Variants in ROBO2 observed in about 807,000 individuals in gnomAD.
ROBO2 encodes the protein roundabout homolog 2.
ROBO2 carries 53 observed loss-of-function variants against 160.8 expected under a neutral mutation model. That is an observed-to-expected ratio of 0.33 (90% CI 0.26 to 0.41). ROBO2 has a LOEUF of 0.41. Ranked by LOEUF, ROBO2 falls within the 10% of genes least tolerant of loss-of-function variation. ROBO2 has a pLI of 1.00. For synonymous variants in ROBO2, 664 were observed against 611.7 expected (o/e 1.09, Z -1.26); for missense variants, 1,577 against 1,722.4 (o/e 0.92, Z 1.49).
In ROBO2 at chr3:76,754,604, C is replaced by A. The variant is rs531415252; in HGVS notation, c.110-343410C>A. On this transcript the variant is annotated intron_variant, in intron 2 of 26. Transcript: ENST00000487694. ...GGTAATACTGTTTCTTTTATTATTT[C>A]CAATTAAGAAACATACTGCTAGCCA... Among the ~76,000 whole-genome samples, 3 of 151,956 alleles carry A rather than the reference C, an allele frequency of 2.0e-5. No homozygotes were observed. The South Asian group carries it at 6.2e-4, about 31-fold the overall frequency.
chr3:76,024,059 G>GTT (rs1334850167), intron 2 of ROBO2, among the ~76,000 whole-genome samples: 1 of 151,166 alleles, frequency 6.6e-6, no homozygotes, highest in African/African-American at 2.4e-5. Flanking sequence ...CATCTCATTA[G>GTT]TTATATATAT....
chr3:77,051,689 C>G (rs1355712102), intron 1 of ROBO2, among the ~76,000 whole-genome samples: 1 of 152,188 alleles, frequency 6.6e-6, no homozygotes, highest in Non-Finnish European at 1.5e-5. Flanking sequence ...CTGTCTGTAT[C>G]AGGATTCAAT....
intron 2 of ROBO2, among the ~76,000 whole-genome samples, chr3:76,606,532 G>A (rs2087670937): frequency 6.6e-6 from 1 of 152,144 alleles, no homozygotes; most frequent in Non-Finnish European, 1.5e-5. Context: ...AGTCTCTAGA[G>A]AACAGGAGAG....
intron 5 of ROBO2, among the ~76,000 whole-genome samples, chr3:77,500,541 C>T (rs2087441100): frequency 6.6e-6 from 1 of 152,034 alleles, no homozygotes; most frequent in African/African-American, 2.4e-5. Context: ...ACATAGTATA[C>T]AGCAATAGAG....
chr3:76,074,686 TATAAA>T (rs1261799312), intron 2 of ROBO2, among the ~76,000 whole-genome samples: 19 of 152,154 alleles, frequency 1.2e-4, no homozygotes, highest in African/African-American at 4.1e-4. Context: ...GAGGAATTAA[TATAAA>T]GTAAAATATA....
At chr3:76,531,031 AT>A (rs1247928842) in intron 2 of ROBO2, among the ~76,000 whole-genome samples, 1 of 152,206 alleles carries the variant, frequency 6.6e-6, no homozygotes, top group East Asian at 1.9e-4. Context: ...GTGCTGATGC[AT>A]AAAGTTTTGC....
rs888796275 is a variant in ROBO2, at chr3:77,580,014, T to C, written c.2396T>C (p.Val799Ala). The C allele has an allele frequency of 1.2e-5, 20 of 1,613,682 alleles. No homozygotes were observed. Among genetic ancestry groups the C allele is most frequent in the Non-Finnish European group, 1.5e-5 (18 of 1,179,750 alleles). ...ACTGTGGATGCAGCCATTCGGTCCG[T>C]AATAATTGGTGGATTATTCCCAGGT... The change falls in exon 16 of 26, where the codon GTA becomes GCA. Residue 799 changes from valine to alanine, a missense_variant. By Grantham distance (64) the Val-to-Ala change is moderately conservative. Transcript: ENST00000461745.
intron 2 of ROBO2, among the ~76,000 whole-genome samples, chr3:76,867,396 G>A (rs1005468906): frequency 3.3e-5 from 5 of 152,136 alleles, no homozygotes; most frequent in East Asian, 1.9e-4. Context: ...AAATGTTTAT[G>A]TATGTTATAG....
At chr3:77,085,858 A>G (rs992335715) in intron 1 of ROBO2, among the ~76,000 whole-genome samples, 1 of 152,110 alleles carries the variant, frequency 6.6e-6, no homozygotes, top group Non-Finnish European at 1.5e-5. Flanking sequence ...TGTTTTGACC[A>G]TCTCTTGAAA....
intron 2 of ROBO2, among the ~76,000 whole-genome samples, chr3:75,961,828 A>G (rs1948924343): frequency 6.6e-6 from 1 of 151,652 alleles, no homozygotes; most frequent in Non-Finnish European, 1.5e-5. Context: ...TTTAAGGTAT[A>G]TTTCTGTGTG....
intron 2 of ROBO2, among the ~76,000 whole-genome samples, chr3:76,645,306 AT>A (rs2090909334): frequency 6.6e-6 from 1 of 152,192 alleles, no homozygotes; most frequent in African/African-American, 2.4e-5. Context: ...ATTCTAACCT[AT>A]TTTATTACAG....
intron 2 of ROBO2, among the ~76,000 whole-genome samples, chr3:76,549,484 G>A (rs1334589939): frequency 6.6e-6 from 1 of 152,180 alleles, no homozygotes; most frequent in Non-Finnish European, 1.5e-5. Flanking sequence ...CCTCTGAGAA[G>A]GTTCTGTCTG....
At chr3:76,079,768 T>C (rs1408447142) in intron 2 of ROBO2, among the ~76,000 whole-genome samples, 1 of 151,758 alleles carries the variant, frequency 6.6e-6, no homozygotes, top group East Asian at 1.9e-4. Context: ...AAAATTTAGG[T>C]TTTTGAATGA....
At chr3:76,370,970 T>G (rs993326757) in intron 2 of ROBO2, among the ~76,000 whole-genome samples, 2 of 151,870 alleles carry the variant, frequency 1.3e-5, no homozygotes, top group African/African-American at 4.8e-5. Flanking sequence ...TGATAACCTA[T>G]GTACCCTTCT....
intron 2 of ROBO2, among the ~76,000 whole-genome samples, chr3:76,453,100 A>G (rs1045803870): frequency 1.3e-5 from 2 of 152,122 alleles, no homozygotes; most frequent in East Asian, 1.9e-4. Context: ...AGTAGGTTGC[A>G]AAAATTTTCT....
intron 2 of ROBO2, among the ~76,000 whole-genome samples, chr3:77,476,901 T>C (rs1387312294): frequency 6.6e-6 from 1 of 152,168 alleles, no homozygotes; most frequent in Non-Finnish European, 1.5e-5. Flanking sequence ...ACTATGAATC[T>C]GTCTTCTGAA....
At chr3:76,630,886 G>C (rs1485935064) in intron 2 of ROBO2, among the ~76,000 whole-genome samples, 2 of 152,110 alleles carry the variant, frequency 1.3e-5, no homozygotes, top group Admixed American at 6.5e-5. Flanking sequence ...CAGTAACTTT[G>C]TACAAGAGGT....
intron 2 of ROBO2, among the ~76,000 whole-genome samples, chr3:77,348,502 G>A (rs1156860853): frequency 6.6e-6 from 1 of 151,918 alleles, no homozygotes; most frequent in Non-Finnish European, 1.5e-5. Flanking sequence ...TCTGACCTTG[G>A]GTCGACCTCC....
At chr3:76,002,813 G>A (rs1473931223) in intron 2 of ROBO2, among the ~76,000 whole-genome samples, 2 of 151,990 alleles carry the variant, frequency 1.3e-5, no homozygotes, top group East Asian at 1.9e-4. Flanking sequence ...CTTTTTCCTT[G>A]TGGCTCTCAG....
Sources: allele counts gnomAD v4.1 joint callset (sites outside exome capture counted in the v4.1 genomes callset), GRCh38; gene constraint gnomAD v4.1.1; transcripts MANE v1.5; gene names NCBI Gene and HGNC (gene_info 2026-07-23, HGNC 2026-07-21).